Variants in USB1 observed in about 807,000 individuals in gnomAD.
USB1 encodes U6 snRNA biogenesis phosphodiesterase 1.
In USB1, 21 loss-of-function variants were observed where a neutral mutation model predicts 29.9. The ratio of observed to expected loss-of-function variants is 0.70; its 90% CI spans 0.50 to 1.01. The LOEUF (loss-of-function observed/expected upper bound fraction) is 1.01, where lower values mean the gene tolerates loss of function less well. Among genes scored for constraint, USB1 ranks in the 50% least tolerant of loss-of-function variants. The probability of loss-of-function intolerance (pLI) is 0.00; values close to 1 mark genes in which losing one functional copy is unlikely to be tolerated. For synonymous variants in USB1, 143 were observed against 134.9 expected, an observed-to-expected ratio of 1.06 and a Z score of -0.42; for missense variants, 330 against 347.1, an observed-to-expected ratio of 0.95 and a Z score of 0.39.
Position 58,020,548 on chromosome 16 carries a change from T to C in USB1, c.*303T>C, listed in dbSNP as rs1963715564. 9.3e-6 allele frequency: 3 copies of C among 322,346 alleles called. No individual in the cohort carries two copies. Among genetic ancestry groups the C allele is most frequent in the Non-Finnish European group, 1.1e-5 (2 of 186,292 alleles). The allele number at this position is 322,346 out of a possible 1,614,324, so 20.0% of individuals were successfully genotyped here. On this transcript the variant is annotated 3_prime_UTR_variant, in exon 7 of 7. Transcript: ENST00000219281. ...TCCTCTTCTCTCTCTTCCCCTCCTG[T>C]CTCTCCTCCCCTCCTCTCTTCCTCT...
chr16:58,007,869 G>C (rs1011515943), intron 2 of USB1, among the ~76,000 whole-genome samples: 1 of 152,100 alleles, frequency 6.6e-6, no homozygotes, highest in African/African-American at 2.4e-5. Flanking sequence ...TGTAATCCCA[G>C]CTACTCGGGA....
intron 1 of USB1, 59 bp from the exon 2 acceptor site, chr16:58,002,420 A>G (rs1270768865): frequency 1.3e-5 from 21 of 1,608,020 alleles, no homozygotes; most frequent in Non-Finnish European, 1.7e-5. Flanking sequence ...TGTGGTATAT[A>G]CAAAGGTAGA....
Position 58,001,454 on chromosome 16 carries a change from A to C in USB1, c.-30A>C. On this transcript the variant is annotated 5_prime_UTR_variant, in exon 1 of 7. Coordinates refer to ENST00000219281, the MANE Select transcript of USB1 (RefSeq NM_024598.4). ...GGGTGCCGGTTGAGGTTGCTGGTGG[A>C]CCTGCTCTGGTGGTCTTGGATGAGG... The C allele has an allele frequency of 6.3e-7, 1 of 1,577,092 alleles. No individual in the cohort carries two copies. Among genetic ancestry groups the C allele is most frequent in the Non-Finnish European group, 8.6e-7 (1 of 1,162,498 alleles).
chr16:58,013,205 A>G lies in USB1; in HGVS notation c.450-1068A>G. The G allele has an allele frequency of 2.0e-6, 2 of 985,462 alleles. No homozygotes were observed. Among genetic ancestry groups the G allele is most frequent in the Non-Finnish European group, 2.4e-6 (2 of 829,966 alleles). 61.0% of individuals were successfully genotyped at this position (985,462 alleles called of 1,614,324 possible). Reference sequence around the variant, plus strand: ...GAGTAGGGGTGGAGAGCCATCCTGCAACACGAGGTTACCAGGAGAAGGAGT... The same window carrying G: ...GAGTAGGGGTGGAGAGCCATCCTGCGACACGAGGTTACCAGGAGAAGGAGT... On this transcript the variant is annotated intron_variant, in intron 3 of 6. Coordinates refer to ENST00000219281, the MANE Select transcript of USB1 (RefSeq NM_024598.4). The surrounding 1 kb of genome is among the most constrained non-coding windows in gnomAD (Gnocchi z 4.3).
intron 6 of USB1, 117 bp from the exon 7 acceptor site, chr16:58,020,024 C>G: frequency 2.3e-6 from 2 of 886,510 alleles, no homozygotes; most frequent in Non-Finnish European, 1.8e-6. Context: ...GAGCCTGGAG[C>G]CTGCAGCCTC....
In USB1 at chr16:58,020,345, GCC is replaced by G; in HGVS notation, c.*103_*104del. ...GATGCTTCTAGCCTCCCAGTAGGAG[GCC>G]CCAGCCATGCCTTCAACCTGGCAGG... On this transcript the variant is annotated 3_prime_UTR_variant, in exon 7 of 7. Coordinates refer to ENST00000219281, the MANE Select transcript of USB1 (RefSeq NM_024598.4). The G allele has an allele frequency of 1.7e-6, 2 of 1,180,086 alleles. No individual in the cohort carries two copies. Among genetic ancestry groups the G allele is most frequent in the Non-Finnish European group, 2.5e-6 (2 of 806,680 alleles). 73.1% of individuals were successfully genotyped at this position (1,180,086 alleles called of 1,614,324 possible).
Position 58,004,926 on chromosome 16 carries a change from T to C in USB1, c.265+2281T>C, listed in dbSNP as rs768607394. ...GAATGCCAGGCTGCGCTGATATTTA[T>C]TGGATACAAGACAAAGGGTCAGGGT... On this transcript the variant is annotated intron_variant, in intron 2 of 6. Transcript: ENST00000219281. Among the ~76,000 whole-genome samples, 7 of 152,178 alleles carry C rather than the reference T, an allele frequency of 4.6e-5. No individual in the cohort carries two copies. The South Asian group carries it at 1.2e-3, about 27-fold the overall frequency.
Position 58,009,924 on chromosome 16 carries a change from T to A in USB1, c.266-5T>A. 6.2e-7 allele frequency: 1 copy of A among 1,613,804 alleles called. No homozygotes were observed. The highest frequency in any genetic ancestry group is 1.7e-5 in the Admixed American group (1 of 59,976). On this transcript the variant is annotated splice_polypyrimidine_tract_variant and splice_region_variant and intron_variant, in intron 2 of 6. Transcript: ENST00000219281. ...CGGCCCGCCCTCTTTACTCCTCCCCTCCAGATGAAGCCAAGGAGGAGTTCC... is the reference window on the plus strand; with the variant it reads ...CGGCCCGCCCTCTTTACTCCTCCCCACCAGATGAAGCCAAGGAGGAGTTCC...
chr16:58,016,256 G>C (rs1423709665), intron 4 of USB1: 1 of 152,338 alleles, frequency 6.6e-6, no homozygotes, highest in South Asian at 2.1e-4. Flanking sequence ...AGGGGAAGAC[G>C]AACATTGATT....
rs919348366 is a variant in USB1 at position 58,013,889 on chromosome 16, G to A, written c.450-384G>A. 1.3e-5 allele frequency: 3 copies of A among 236,072 alleles called. No individual in the cohort carries two copies. The highest frequency in any genetic ancestry group is 1.1e-4 in the East Asian group (1 of 9,482). 14.6% of individuals were successfully genotyped at this position (236,072 alleles called of 1,614,324 possible). A position where few individuals can be genotyped will look rare whatever the true frequency, so the allele number is the denominator to read the frequency against. ...TTGTCGTGATTGCTTAGATGAAATC[G>A]GAGTCATCTATTTTAAAAAACTGCA... On this transcript the variant is annotated intron_variant, in intron 3 of 6. Coordinates refer to ENST00000219281, the MANE Select transcript of USB1 (RefSeq NM_024598.4). The surrounding 1 kb of genome is among the most constrained non-coding windows in gnomAD (Gnocchi z 4.3).
chr16:58,009,736 A>AAT (rs916208520), intron 2 of USB1, among the ~76,000 whole-genome samples, 193 bp from the exon 3 acceptor site: 1 of 151,046 alleles, frequency 6.6e-6, no homozygotes, highest in Admixed American at 6.6e-5. Flanking sequence ...AAAAAAAAAA[A>AAT]ATAATAATAA....
At chr16:58,004,701 C>T (rs1300178370) in intron 2 of USB1, among the ~76,000 whole-genome samples, 1 of 152,206 alleles carries the variant, frequency 6.6e-6, no homozygotes, top group African/African-American at 2.4e-5. Context: ...GAAGAACTGA[C>T]ATCTTTACAA....
chr16:58,011,387 G>T, intron 3 of USB1: 1 of 1,205,722 alleles, frequency 8.3e-7, no homozygotes, highest in Non-Finnish European at 1.0e-6. Context: ...TGCCAGCCTG[G>T]GGCTTTTTTT....
upstream of USB1, among the ~76,000 whole-genome samples, chr16:58,000,828 T>C (rs1398079345): frequency 6.6e-6 from 1 of 151,946 alleles, no homozygotes; most frequent in African/African-American, 2.4e-5. This position sits in a 1 kb window ranked among gnomAD's most constrained non-coding sequence, Gnocchi z 4.5. Context: ...AGCCGGGTGC[T>C]CCGGGCGGTT....
chr16:58,018,899 T>C (rs1447488630), intron 5 of USB1, 73 bp from the exon 6 acceptor site: 3 of 1,480,716 alleles, frequency 2.0e-6, no homozygotes, highest in East Asian at 2.3e-5. Context: ...GACAGCTCTG[T>C]CACAGACCTG....
intron 2 of USB1, among the ~76,000 whole-genome samples, chr16:58,005,500 T>C (rs1209618993): frequency 1.3e-5 from 2 of 152,208 alleles, no homozygotes; most frequent in African/African-American, 4.8e-5. Context: ...CACTTCTCAC[T>C]ATGTCCCCTC....
intron 2 of USB1, among the ~76,000 whole-genome samples, chr16:58,005,696 C>T (rs566032631): frequency 9.2e-5 from 14 of 152,234 alleles, no homozygotes; most frequent in African/African-American, 3.1e-4. Flanking sequence ...TGGAACAACT[C>T]GTGCCCTCGG....
intron 2 of USB1, among the ~76,000 whole-genome samples, chr16:58,008,253 G>A (rs1963406969): frequency 6.6e-6 from 1 of 151,980 alleles, no homozygotes; most frequent in Non-Finnish European, 1.5e-5. Context: ...CTAGAAACTT[G>A]TTGATTTACT....
At chr16:58,018,778 A>G (rs1486987887) in intron 5 of USB1, among the ~76,000 whole-genome samples, 194 bp from the exon 6 acceptor site, 2 of 152,198 alleles carry the variant, frequency 1.3e-5, no homozygotes, top group African/African-American at 4.8e-5. Context: ...GATTCAGTCC[A>G]TAGCAAGGAC....
Sources: gnomAD v4.1 joint callset for allele counts (sites outside exome capture counted in the v4.1 genomes callset) on GRCh38, gnomAD v4.1.1 for gene constraint, Gnocchi (gnomAD v3.1) non-coding constraint, MANE v1.5 for transcripts, NCBI Gene and HGNC (gene_info 2026-07-23, HGNC 2026-07-21) for gene names.